VIPAS39: variants seen among roughly 807,000 people sequenced by gnomAD.
The protein encoded by VIPAS39 is spermatogenesis-defective protein 39 homolog.
In VIPAS39, 63 loss-of-function variants were observed where a neutral mutation model predicts 84.7. The observed-to-expected ratio is 0.74, with a 90% CI of 0.61 to 0.92. The LOEUF (loss-of-function observed/expected upper bound fraction) is 0.92, where lower values mean the gene tolerates loss of function less well. Ranked by LOEUF, VIPAS39 falls within the 40% of genes least tolerant of loss-of-function variation. VIPAS39 has a pLI of 0.00. For synonymous variants in VIPAS39, 192 were observed against 216.5 expected (o/e 0.89, Z 0.99); for missense variants, 499 against 604.5 (o/e 0.83, Z 1.83).
intron 4 of VIPAS39, among the ~76,000 whole-genome samples, chr14:77,450,874 C>T (rs562077082): frequency 3.3e-5 from 5 of 152,296 alleles, no homozygotes; most frequent in East Asian, 1.9e-4. Context: ...GGTGGCTGCA[C>T]CATTTGGCAT....
intron 7 of VIPAS39, among the ~76,000 whole-genome samples, chr14:77,444,861 C>T (rs2078762229): frequency 6.6e-6 from 1 of 152,070 alleles, no homozygotes; most frequent in Admixed American, 6.6e-5. Flanking sequence ...GGATTACAGG[C>T]ATGAGCCACC....
Position 77,428,385 on chromosome 14 carries a change from A to G in VIPAS39, c.1446T>C (p.Ala482=), listed in dbSNP as rs1278647105. The G allele has an allele frequency of 1.9e-6, 3 of 1,613,896 alleles. No homozygotes were observed. Among genetic ancestry groups the G allele is most frequent in the Middle Eastern group, 1.7e-4 (1 of 6,060 alleles). ...KGSAEEEKID[A]LLSSSQIRWK... is the part of the protein sequence containing the mutation. ...AGCTGCTCACCGAGCTGCTGAGAAG[A>G]GCATCAATCTTCTCCTCCTCTGCTG... Residue 482 remains alanine (A), a synonymous_variant, in exon 19 of 20, where the codon GCT becomes GCC. Coordinates refer to ENST00000557658, the MANE Select transcript of VIPAS39 (RefSeq NM_001193315.2).
At chr14:77,433,697 A>G in intron 16 of VIPAS39, 145 bp downstream of exon 16, 1 of 657,086 alleles carries the variant, frequency 1.5e-6, no homozygotes, top group Non-Finnish European at 2.6e-6. Context: ...GAACTATAAA[A>G]TTCATTCTTT....
In VIPAS39 at chr14:77,448,542, G is replaced by A. The variant is rs1322662320; in HGVS notation, c.456C>T (p.Ser152=). ...GRPKGEYRDY[S]NDWSPSDTVR... Reference sequence around the variant, plus strand: ...CTGTATCACTGGGGCTCCAGTCATTGCTGTAATCCTGGAATATTAGCAATA... The same window carrying A: ...CTGTATCACTGGGGCTCCAGTCATTACTGTAATCCTGGAATATTAGCAATA... Residue 152 remains serine (S), a synonymous_variant, in exon 7 of 20, where the codon AGC becomes AGT. Coordinates refer to ENST00000557658, the MANE Select transcript of VIPAS39 (RefSeq NM_001193315.2). 1 of 1,614,114 alleles carries A rather than the reference G, an allele frequency of 6.2e-7. No individual in the cohort carries two copies. Among genetic ancestry groups the A allele is most frequent in the South Asian group, 1.1e-5 (1 of 91,084 alleles).
chr14:77,437,128 G>A (rs1307540350), intron 12 of VIPAS39, among the ~76,000 whole-genome samples: 1 of 152,188 alleles, frequency 6.6e-6, no homozygotes, highest in Non-Finnish European at 1.5e-5. Flanking sequence ...CATGTCACAT[G>A]AGGAATGGTT....
At chr14:77,457,036 G>A in intron 1 of VIPAS39, 3 of 1,326,060 alleles carry the variant, frequency 2.3e-6, no homozygotes, top group Non-Finnish European at 2.9e-6. Context: ...GAAAACAGAA[G>A]AATCAGCAAG....
At chr14:77,434,892 C>T (rs1447639995) in intron 14 of VIPAS39, among the ~76,000 whole-genome samples, 1 of 150,904 alleles carries the variant, frequency 6.6e-6, no homozygotes, top group African/African-American at 2.5e-5. Flanking sequence ...GAGCAAGACT[C>T]CATCTCAGAG....
At chr14:77,442,024 T>C (rs915465431) in intron 10 of VIPAS39, among the ~76,000 whole-genome samples, 8 of 152,190 alleles carry the variant, frequency 5.3e-5, no homozygotes, top group African/African-American at 1.7e-4. Flanking sequence ...ATCACTTCCA[T>C]GAGGCTTTCC....
rs1048179424 is a variant in VIPAS39, at chr14:77,434,449, C to T, written c.1048-146G>A. ...AGAAATTAATTTCAGGGAAAAGCTC[C>T]ATTGGGAATAGTCAGATACCACTAT... is the stretch of plus-strand genomic sequence containing the variant. On this transcript the variant is annotated intron_variant, in intron 14 of 19. Transcript: ENST00000557658. 2.1e-5 allele frequency: 17 copies of T among 795,460 alleles called. 1 individual carries two copies. The highest frequency in any genetic ancestry group is 2.2e-4 in the Middle Eastern group (1 of 4,524). The allele number at this position is 795,460 out of a possible 1,614,324, so 49.3% of individuals were successfully genotyped here.
rs1182253523 is a variant in VIPAS39, at chr14:77,444,296, G to T, written c.550C>A (p.Leu184Ile). Residue 184 changes from leucine to isoleucine, a missense_variant, in exon 8 of 20, where the codon CTC becomes ATC. Transcript: ENST00000557658. Reference protein sequence around the residue: ...RFRSLQDKLQLLEEAVSMHDG... With the variant: ...RFRSLQDKLQILEEAVSMHDG... ...TGCATGCTTACTGCCTCTTCTAGGAGTTGTAGTTTGTCCTGTAAGGAGCGG... is the reference window on the plus strand; with the variant it reads ...TGCATGCTTACTGCCTCTTCTAGGATTTGTAGTTTGTCCTGTAAGGAGCGG... 1.2e-6 allele frequency: 2 copies of T among 1,613,874 alleles called. No individual in the cohort carries two copies. Among genetic ancestry groups the T allele is most frequent in the Non-Finnish European group, 1.7e-6 (2 of 1,179,804 alleles).
chr14:77,432,623 T>C (rs1233156724), intron 16 of VIPAS39, among the ~76,000 whole-genome samples: 1 of 152,182 alleles, frequency 6.6e-6, no homozygotes, highest in East Asian at 1.9e-4. Flanking sequence ...TGTGACAGCA[T>C]GGATGAACCT....
At chr14:77,446,692 C>T (rs371134500) in intron 7 of VIPAS39, among the ~76,000 whole-genome samples, 2 of 152,140 alleles carry the variant, frequency 1.3e-5, no homozygotes, top group South Asian at 4.1e-4. Context: ...GTTGAAGTAT[C>T]TTGATTTCAA....
intron 3 of VIPAS39, among the ~76,000 whole-genome samples, chr14:77,451,856 T>C (rs1364184786): frequency 2.6e-5 from 4 of 152,198 alleles, no homozygotes; most frequent in Non-Finnish European, 5.9e-5. Flanking sequence ...AGCCAGGCTA[T>C]AGGGAAACTG....
Position 77,427,645 on chromosome 14 carries a change from A to G in VIPAS39, c.1462-9T>C. The stretch of plus-strand genomic sequence containing the variant: ...TTCTTCCATCGAATTTGCTGTGGAA[A>G]GAGGAAACAATGAAAGTGTGTGATC... On this transcript the variant is annotated splice_polypyrimidine_tract_variant and intron_variant, in intron 19 of 19. Transcript: ENST00000557658. 1 of 1,614,232 alleles carries G rather than the reference A, an allele frequency of 6.2e-7. No homozygotes were observed. Among genetic ancestry groups the G allele is most frequent in the Non-Finnish European group, 8.5e-7 (1 of 1,180,036 alleles).
Position 77,427,440 on chromosome 14 carries a change from G to T in VIPAS39, c.*176C>A. ...AAGCTTTAGATCTCGATCCTCAGAT[G>T]ATGTTCCTTGGACAGAAGATCAGTC... On this transcript the variant is annotated 3_prime_UTR_variant, in exon 20 of 20. Coordinates refer to ENST00000557658, the MANE Select transcript of VIPAS39 (RefSeq NM_001193315.2). 1.5e-6 allele frequency: 1 copy of T among 689,314 alleles called. No homozygotes were observed. The allele number at this position is 689,314 out of a possible 1,614,324, so 42.7% of individuals were successfully genotyped here.
chr14:77,448,612 G>C, intron 6 of VIPAS39, 62 bp from the exon 7 acceptor site: 1 of 1,539,022 alleles, frequency 6.5e-7, no homozygotes, highest in South Asian at 1.1e-5. Flanking sequence ...CAGCATACCC[G>C]CTCCTCAACT....
At chr14:77,451,696 G>C (rs2078884351) in intron 3 of VIPAS39, among the ~76,000 whole-genome samples, 1 of 151,914 alleles carries the variant, frequency 6.6e-6, no homozygotes, top group Non-Finnish European at 1.5e-5. Context: ...CTCAACTCCT[G>C]GCCTCAAGCC....
chr14:77,431,367 C>T (rs1228882831), intron 16 of VIPAS39, among the ~76,000 whole-genome samples: 1 of 152,162 alleles, frequency 6.6e-6, no homozygotes, highest in African/African-American at 2.4e-5. Context: ...GGGCAAAAGA[C>T]TTGAATGGAC....
intron 1 of VIPAS39, chr14:77,457,089 A>G: frequency 7.1e-7 from 1 of 1,401,398 alleles, no homozygotes; most frequent in South Asian, 1.6e-5. Flanking sequence ...TCCAAAAACC[A>G]CCTACTGAGA....
Sources: allele counts gnomAD v4.1 joint callset (sites outside exome capture counted in the v4.1 genomes callset), GRCh38; gene constraint gnomAD v4.1.1; transcripts MANE v1.5; gene names NCBI Gene and HGNC (gene_info 2026-07-23, HGNC 2026-07-21).